The following MDGA2 variants were observed in gnomAD, a reference collection of about 807,000 sequenced individuals.
The protein encoded by MDGA2 is MAM domain-containing glycosylphosphatidylinositol anchor protein 2.
In MDGA2, 40 loss-of-function variants were observed where a neutral mutation model predicts 117.8. That is an observed-to-expected ratio of 0.34 (90% CI 0.26 to 0.44). The LOEUF (loss-of-function observed/expected upper bound fraction) is 0.44, where lower values mean the gene tolerates loss of function less well. Ranked by LOEUF, MDGA2 falls within the 20% of genes least tolerant of loss-of-function variation. The probability of loss-of-function intolerance (pLI) is 1.00; values close to 1 mark genes in which losing one functional copy is unlikely to be tolerated. For synonymous variants in MDGA2, 452 were observed against 439.0 expected, an observed-to-expected ratio of 1.03 and a Z score of -0.37; for missense variants, 1,123 against 1,250.6, an observed-to-expected ratio of 0.90 and a Z score of 1.54.
chr14:47,404,337 C>T (rs190586747), intron 1 of MDGA2, among the ~76,000 whole-genome samples: 10 of 151,960 alleles, frequency 6.6e-5, no homozygotes, highest in South Asian at 2.1e-4. Context: ...AGGCTTGCAC[C>T]GCCATGCCCA....
Position 46,935,205 on chromosome 14 carries a change from A to C in MDGA2, c.2090-15045T>G, listed in dbSNP as rs114824576. ...TGGAAGCAGAAAATGATTAATGTAC[A>C]TTATGCCCAATTCCTGAGATCAGCA... is the stretch of plus-strand genomic sequence containing the variant. On this transcript the variant is annotated intron_variant, in intron 9 of 16. Coordinates refer to ENST00000399232, the MANE Select transcript of MDGA2 (RefSeq NM_001113498.3). Among the ~76,000 whole-genome samples, 1,136 of 152,200 alleles carry C rather than the reference A, an allele frequency of 7.5e-3. 12 individuals carry two copies. The highest frequency in any genetic ancestry group is 0.026 in the African/African-American group (1,070 of 41,536).
intron 8 of MDGA2, among the ~76,000 whole-genome samples, chr14:46,979,340 G>A (rs1886582317): frequency 6.6e-6 from 1 of 151,960 alleles, no homozygotes. Flanking sequence ...CAACAGTGTT[G>A]AAATTAGGCC....
At chr14:47,469,440 TG>T (rs1273764350) in intron 1 of MDGA2, among the ~76,000 whole-genome samples, 1 of 152,160 alleles carries the variant, frequency 6.6e-6, no homozygotes, top group Non-Finnish European at 1.5e-5. Flanking sequence ...TTGCTGAGAA[TG>T]ATGGTTTCCA....
chr14:47,047,866 G>A (rs927772073), intron 7 of MDGA2, among the ~76,000 whole-genome samples: 1 of 151,594 alleles, frequency 6.6e-6, no homozygotes, highest in African/African-American at 2.4e-5. Flanking sequence ...GTTGTCTGTT[G>A]TCCAGGAGAC....
At chr14:47,465,097 G>C (rs1030760264) in intron 1 of MDGA2, among the ~76,000 whole-genome samples, 2 of 152,130 alleles carry the variant, frequency 1.3e-5, no homozygotes, top group South Asian at 4.1e-4. Flanking sequence ...AAAAAGTGGA[G>C]AAATGACTCC....
chr14:46,941,749 C>A (rs2138582814), intron 9 of MDGA2, among the ~76,000 whole-genome samples: 1 of 152,124 alleles, frequency 6.6e-6, no homozygotes, highest in Admixed American at 6.5e-5. Flanking sequence ...ATTCAGTTTT[C>A]TTTGTTCTAT....
chr14:46,875,331 T>TA lies in MDGA2; in HGVS notation c.2438-1132dup, dbSNP rs1241431754. Reference sequence around the variant, plus strand: ...ATTGAAAATTTTTGGTACTTACAAATAAAAATAAAACAGAAGGCTTTTCCT... The same window carrying TA: ...ATTGAAAATTTTTGGTACTTACAAATAAAAAATAAAACAGAAGGCTTTTCCT... On this transcript the variant is annotated intron_variant, in intron 12 of 16. Transcript: ENST00000399232. 1.2e-4 allele frequency among the ~76,000 whole-genome samples: 18 copies of TA among 151,908 alleles called. No homozygotes were observed. The East Asian group carries it at 3.5e-3, about 29-fold the overall frequency.
chr14:47,247,862 C>A (rs1340875715), intron 2 of MDGA2, among the ~76,000 whole-genome samples: 1 of 151,154 alleles, frequency 6.6e-6, no homozygotes, highest in East Asian at 1.9e-4. Flanking sequence ...TTCTCATTGT[C>A]CAACTCTCAC....
intron 7 of MDGA2, among the ~76,000 whole-genome samples, chr14:47,059,898 T>G (rs1373195814): frequency 6.6e-6 from 1 of 152,064 alleles, no homozygotes; most frequent in East Asian, 1.9e-4. Flanking sequence ...CAGGAAATAT[T>G]ATATTGGAAT....
chr14:47,083,894 C>A (rs992796097), intron 6 of MDGA2, among the ~76,000 whole-genome samples: 1 of 151,094 alleles, frequency 6.6e-6, no homozygotes, highest in Admixed American at 6.6e-5. Flanking sequence ...CTGTATATAC[C>A]CTTCCCCCTC....
chr14:47,545,818 C>T (rs1165095623), intron 1 of MDGA2, among the ~76,000 whole-genome samples: 3 of 151,970 alleles, frequency 2.0e-5, no homozygotes, highest in African/African-American at 4.8e-5. Flanking sequence ...AGTGTGGGGG[C>T]GTGAAAGCAA....
At chr14:46,873,699 A>G (rs1595011742) in intron 13 of MDGA2, 108 bp from the exon 14 acceptor site, 2 of 995,208 alleles carry the variant, frequency 2.0e-6, no homozygotes, top group East Asian at 5.2e-5. Flanking sequence ...GATGGATAGG[A>G]AGATTTGCAT....
chr14:47,652,540 A>G (rs748227642), intron 1 of MDGA2, among the ~76,000 whole-genome samples: 9 of 152,284 alleles, frequency 5.9e-5, no homozygotes, highest in Non-Finnish European at 1.2e-4. Context: ...TAATTGTTAT[A>G]TGTGTTGAAA....
chr14:47,148,873 T>C (rs73248056), intron 3 of MDGA2, among the ~76,000 whole-genome samples: 3,429 of 152,118 alleles, frequency 0.023, 121 homozygotes, highest in African/African-American at 0.079. Context: ...TTTGTGTAGA[T>C]TGTGCAATAG....
intron 14 of MDGA2, among the ~76,000 whole-genome samples, chr14:46,857,588 G>C (rs996985103): frequency 1.3e-5 from 2 of 151,988 alleles, no homozygotes; most frequent in Admixed American, 1.3e-4. Context: ...GATTCATCTT[G>C]CTCAGGGTTA....
chr14:46,885,624 T>C (rs1882644394), intron 10 of MDGA2, among the ~76,000 whole-genome samples: 1 of 152,132 alleles, frequency 6.6e-6, no homozygotes, highest in Admixed American at 6.6e-5. Context: ...ACCAGAGGAT[T>C]GGGGTGGGAA....
chr14:47,344,435 T>C (rs1227298636), intron 1 of MDGA2, among the ~76,000 whole-genome samples: 1 of 152,180 alleles, frequency 6.6e-6, no homozygotes, highest in African/African-American at 2.4e-5. Flanking sequence ...ACTAGTTTGC[T>C]GTCCCAGAAT....
At chr14:46,988,490 C>T (rs1366356224) in intron 8 of MDGA2, among the ~76,000 whole-genome samples, 1 of 151,990 alleles carries the variant, frequency 6.6e-6, no homozygotes, top group Non-Finnish European at 1.5e-5. Flanking sequence ...TGACGTGGGG[C>T]ATGGTGACAG....
intron 1 of MDGA2, among the ~76,000 whole-genome samples, chr14:47,409,300 T>C (rs1892323835): frequency 6.6e-6 from 1 of 152,188 alleles, no homozygotes; most frequent in Non-Finnish European, 1.5e-5. Flanking sequence ...ACTAAGGTTT[T>C]AAAGATGGAG....
Sources: allele counts gnomAD v4.1 joint callset (sites outside exome capture counted in the v4.1 genomes callset), GRCh38; gene constraint gnomAD v4.1.1; transcripts MANE v1.5; gene names NCBI Gene and HGNC (gene_info 2026-07-23, HGNC 2026-07-21).